The following CTIF variants were observed in gnomAD, a reference collection of about 807,000 sequenced individuals.
CTIF encodes the protein cap binding complex dependent translation initiation factor, also known as CBP80/20-dependent translation initiation factor.
In CTIF, 21 loss-of-function variants were observed where a neutral mutation model predicts 66.0. That is an observed-to-expected ratio of 0.32 (90% CI 0.23 to 0.46). CTIF has a LOEUF of 0.46. CTIF is among the 20% of genes least tolerant of loss of function. The pLI is 1.00. For missense variants in CTIF, 739 were observed against 812.7 expected, an observed-to-expected ratio of 0.91 and a Z score of 1.10; for synonymous variants, 345 against 326.4, an observed-to-expected ratio of 1.06 and a Z score of -0.62.
intron 1 of CTIF, among the ~76,000 whole-genome samples, chr18:48,608,964 C>T (rs1262827882): frequency 6.6e-6 from 1 of 152,228 alleles, no homozygotes; most frequent in Non-Finnish European, 1.5e-5. Context: ...TGCTTGTGGA[C>T]ACATTGCTGG....
intron 2 of CTIF, chr18:48,625,061 C>G (rs2090570111): frequency 4.7e-6 from 1 of 213,298 alleles, no homozygotes; most frequent in African/African-American, 2.4e-5. Flanking sequence ...AGTTTCTCCT[C>G]TTTCTCTTTA....
chr18:48,855,097 C>A (rs2069297281), intron 10 of CTIF, among the ~76,000 whole-genome samples: 1 of 152,252 alleles, frequency 6.6e-6, no homozygotes, highest in South Asian at 2.1e-4. Flanking sequence ...GGCGCAGGCG[C>A]TCGGCAGGTA....
intron 1 of CTIF, among the ~76,000 whole-genome samples, chr18:48,591,596 A>G (rs2089888507): frequency 6.6e-6 from 1 of 152,216 alleles, no homozygotes; most frequent in Non-Finnish European, 1.5e-5. Context: ...CCACTCACAT[A>G]GCTATCATTG....
chr18:48,857,723 G>C, intron 11 of CTIF, 82 bp downstream of exon 11: 1 of 1,325,974 alleles, frequency 7.5e-7, no homozygotes, highest in Non-Finnish European at 1.0e-6. Flanking sequence ...CACGAGGGTT[G>C]TTGGAGGCAT....
chr18:48,816,723 C>T (rs1310148251), intron 9 of CTIF, among the ~76,000 whole-genome samples: 1 of 152,206 alleles, frequency 6.6e-6, no homozygotes. Flanking sequence ...AGCTGTGTAG[C>T]CCAGTGCTGG....
At chr18:48,682,529 G>A (rs932733976) in intron 6 of CTIF, among the ~76,000 whole-genome samples, 5 of 152,180 alleles carry the variant, frequency 3.3e-5, no homozygotes, top group Non-Finnish European at 5.9e-5. Context: ...ACTGCCTTAC[G>A]ACCTACTTGC....
intron 1 of CTIF, among the ~76,000 whole-genome samples, chr18:48,610,123 G>T (rs1195680545): frequency 6.6e-6 from 1 of 152,184 alleles, no homozygotes. Context: ...GTGTAGGATG[G>T]AGCAGGGCCC....
intron 1 of CTIF, among the ~76,000 whole-genome samples, chr18:48,554,605 G>A (rs966848402): frequency 6.6e-6 from 1 of 152,258 alleles, no homozygotes; most frequent in Non-Finnish European, 1.5e-5. Flanking sequence ...TGGGAACATG[G>A]CCCCTTTCCC....
At chr18:48,842,972 C>T (rs1356413831) in intron 10 of CTIF, among the ~76,000 whole-genome samples, 1 of 152,142 alleles carries the variant, frequency 6.6e-6, no homozygotes, top group Non-Finnish European at 1.5e-5. Flanking sequence ...AAGCAGATGG[C>T]AGCCTGAGCC....
intron 10 of CTIF, 43 bp from the exon 11 acceptor site, chr18:48,857,545 G>T: frequency 6.4e-7 from 1 of 1,572,260 alleles, no homozygotes; most frequent in African/African-American, 1.4e-5. Flanking sequence ...CCAGTAGCCG[G>T]CATGTCTCCT....
chr18:48,570,240 A>T (rs2089383606), intron 1 of CTIF, among the ~76,000 whole-genome samples: 1 of 152,220 alleles, frequency 6.6e-6, no homozygotes. Flanking sequence ...GCAGAGAAGC[A>T]GGTCATGATT....
Position 48,860,791 on chromosome 18 carries a change from G to A in CTIF, c.*1232G>A, listed in dbSNP as rs1349456210. 6.6e-6 allele frequency: 1 copy of A among 152,312 alleles called. No homozygotes were observed. The highest frequency in any genetic ancestry group is 1.5e-5 in the Non-Finnish European group (1 of 68,086). 9.4% of individuals were successfully genotyped at this position (152,312 alleles called of 1,614,324 possible). ...GAAAGGGGTGAATTCACTGGGTCATGGAAGGGACAGTCAGGTGACCAGCGG... is the reference window on the plus strand; with the variant it reads ...GAAAGGGGTGAATTCACTGGGTCATAGAAGGGACAGTCAGGTGACCAGCGG... On this transcript the variant is annotated 3_prime_UTR_variant, in exon 12 of 12. Coordinates refer to ENST00000256413, the MANE Select transcript of CTIF (RefSeq NM_014772.3).
At chr18:48,821,763 C>T (rs780321417) in intron 10 of CTIF, among the ~76,000 whole-genome samples, 23 of 152,228 alleles carry the variant, frequency 1.5e-4, no homozygotes, top group Non-Finnish European at 3.1e-4. Flanking sequence ...CTATTTACAA[C>T]TCATATTTGC....
At chr18:48,806,473 G>A (rs112712284) in intron 9 of CTIF, among the ~76,000 whole-genome samples, 108 of 152,296 alleles carry the variant, frequency 7.1e-4, no homozygotes, top group African/African-American at 2.4e-3. Flanking sequence ...GTCACTGGGG[G>A]CATAGCGTTT....
chr18:48,614,541 G>T (rs1359972230), intron 1 of CTIF, among the ~76,000 whole-genome samples: 1 of 152,166 alleles, frequency 6.6e-6, no homozygotes, highest in African/African-American at 2.4e-5. Context: ...AGCCATAAAG[G>T]GGCATGAAAT....
chr18:48,668,825 C>G (rs1032029470), intron 5 of CTIF, among the ~76,000 whole-genome samples: 2 of 152,112 alleles, frequency 1.3e-5, no homozygotes, highest in African/African-American at 4.8e-5. Flanking sequence ...TTGTCCCCAG[C>G]GGGGCACTTG....
intron 1 of CTIF, among the ~76,000 whole-genome samples, chr18:48,595,626 T>C (rs1020398144): frequency 1.3e-5 from 2 of 152,070 alleles, no homozygotes; most frequent in African/African-American, 4.8e-5. Flanking sequence ...GGGGTCTCTG[T>C]ATGTTGCCCA....
At chr18:48,729,884 C>T (rs751457331) in intron 7 of CTIF, among the ~76,000 whole-genome samples, 23 of 152,162 alleles carry the variant, frequency 1.5e-4, no homozygotes, top group Non-Finnish European at 2.9e-4. Context: ...GGGACAGTGG[C>T]GATGGACAGA....
intron 10 of CTIF, among the ~76,000 whole-genome samples, chr18:48,837,983 G>A (rs1052332817): frequency 6.6e-6 from 1 of 152,156 alleles, no homozygotes; most frequent in African/African-American, 2.4e-5. Flanking sequence ...ATGCCAGAAC[G>A]GGGGCACACT....
Sources: gnomAD v4.1 joint callset for allele counts (sites outside exome capture counted in the v4.1 genomes callset) on GRCh38, gnomAD v4.1.1 for gene constraint, MANE v1.5 for transcripts, NCBI Gene and HGNC (gene_info 2026-07-23, HGNC 2026-07-21) for gene names.